Variants in GALNT18 observed in about 807,000 individuals in gnomAD.
GALNT18 encodes the protein GalNAc-transferase 18.
Under a neutral mutation model 69.5 loss-of-function variants are expected in GALNT18, and 44 were observed. The observed-to-expected ratio is 0.63, with a 90% CI of 0.50 to 0.81. The LOEUF (loss-of-function observed/expected upper bound fraction) is 0.81, where lower values mean the gene tolerates loss of function less well. Ranked by LOEUF, GALNT18 falls within the 40% of genes least tolerant of loss-of-function variation. The pLI, the probability that GALNT18 is intolerant of heterozygous loss-of-function variation, is 0.00. For missense variants in GALNT18, 715 were observed against 810.0 expected (o/e 0.88, Z 1.42); for synonymous variants, 364 against 318.2 (o/e 1.14, Z -1.53).
Position 11,564,270 on chromosome 11 carries a change from G to A in GALNT18, c.235+57089C>T, listed in dbSNP as rs1858587832. Among the ~76,000 whole-genome samples, 1 of 152,154 alleles carries A rather than the reference G, an allele frequency of 6.6e-6. No individual in the cohort carries two copies. The highest frequency in any genetic ancestry group is 2.4e-5 in the African/African-American group (1 of 41,428). On this transcript the variant is annotated intron_variant, in intron 1 of 10. Coordinates refer to ENST00000227756, the MANE Select transcript of GALNT18 (RefSeq NM_198516.3). This position sits in a 1 kb window ranked among gnomAD's most constrained non-coding sequence, Gnocchi z 4.3. ...CCTGAAGGCTCATCTTAAGAGATAT[G>A]CACCTGACTCTCTGTCAAGCCTCCC...
intron 1 of GALNT18, among the ~76,000 whole-genome samples, chr11:11,458,646 A>G (rs1461643323): frequency 6.6e-6 from 1 of 152,248 alleles, no homozygotes; most frequent in Non-Finnish European, 1.5e-5. Context: ...TCACCCGAGC[A>G]CTGCTAATGA....
intron 1 of GALNT18, among the ~76,000 whole-genome samples, chr11:11,491,569 A>G (rs2133885768): frequency 6.6e-6 from 1 of 151,898 alleles, no homozygotes; most frequent in South Asian, 2.1e-4. Flanking sequence ...CAGATCTAAA[A>G]CCTCCCTATG....
chr11:11,366,578 A>T (rs16909529), intron 6 of GALNT18, among the ~76,000 whole-genome samples: 1 of 152,084 alleles, frequency 6.6e-6, no homozygotes, highest in African/African-American at 2.4e-5. Context: ...GGATAATACT[A>T]TCTGGCTTGC....
At position 11,621,372 on chromosome 11, in the gene GALNT18, C is replaced by T. The variant is rs565696315; in HGVS notation, c.222G>A (p.Lys74=). The T allele has an allele frequency of 7.0e-5, 113 of 1,613,794 alleles. No individual in the cohort carries two copies. Among genetic ancestry groups the T allele is most frequent in the Middle Eastern group, 1.6e-4 (1 of 6,084 alleles). Residue 74 remains lysine (K), a synonymous_variant, in exon 1 of 11, where the codon AAG becomes AAA. Coordinates refer to ENST00000227756, the MANE Select transcript of GALNT18 (RefSeq NM_198516.3). This position sits in a 1 kb window ranked among gnomAD's most constrained non-coding sequence, Gnocchi z 9.3. ...GGGCGCCCGTACCTTGAATGTGCTG[C>T]TTGATGACATTCTCCAGGTGGTCCA... ...ERLDHLENVI[K]QHIQEAPAKP... is the part of the protein sequence containing the mutation.
At chr11:11,371,639 G>A (rs917163416) in intron 6 of GALNT18, among the ~76,000 whole-genome samples, 9 of 147,970 alleles carry the variant, frequency 6.1e-5, no homozygotes, top group South Asian at 2.2e-4. Flanking sequence ...GGGGGCCATC[G>A]TGGGGAGGAC....
rs1349348467 is a variant in GALNT18 at position 11,415,731 on chromosome 11, TC to T, written c.595+16889del. ...ATCTCCCACCCACACCTATGCGTCT[TC>T]CCACCCATGCATCCATGCATCCATC... On this transcript the variant is annotated intron_variant, in intron 3 of 10. Transcript: ENST00000227756. The surrounding 1 kb of genome is among the most constrained non-coding windows in gnomAD (Gnocchi z 4.1). Among the ~76,000 whole-genome samples the T allele has an allele frequency of 6.6e-6, 1 of 152,118 alleles. No individual in the cohort carries two copies. Among genetic ancestry groups the T allele is most frequent in the African/African-American group, 2.4e-5 (1 of 41,416 alleles).
chr11:11,515,349 C>T (rs11021883), intron 1 of GALNT18, among the ~76,000 whole-genome samples: 28,411 of 77,450 alleles, frequency 0.37, 3,339 homozygotes, highest in Admixed American at 0.42. Context: ...CAAAAAAGGG[C>T]GGGGGGGATG....
chr11:11,432,106 G>C lies in GALNT18; in HGVS notation c.595+515C>G, dbSNP rs1410569655. ...AACAGGGAACAGGGGATCCAGCAAA[G>C]AGGCTAGACATTCAACAAGTCTGTT... is the stretch of plus-strand genomic sequence containing the variant. On this transcript the variant is annotated intron_variant, in intron 3 of 10. Transcript: ENST00000227756. The surrounding 1 kb of genome is among the most constrained non-coding windows in gnomAD (Gnocchi z 5.8). Among the ~76,000 whole-genome samples, 1 of 152,224 alleles carries C rather than the reference G, an allele frequency of 6.6e-6. No homozygotes were observed. Among genetic ancestry groups the C allele is most frequent in the Non-Finnish European group, 1.5e-5 (1 of 68,038 alleles).
At position 11,372,306 on chromosome 11, in the gene GALNT18, C is replaced by A. The variant is rs1196664222; in HGVS notation, c.1092+209G>T. 6.6e-6 allele frequency among the ~76,000 whole-genome samples: 1 copy of A among 152,176 alleles called. No individual in the cohort carries two copies. The highest frequency in any genetic ancestry group is 6.5e-5 in the Admixed American group (1 of 15,284). The stretch of plus-strand genomic sequence containing the variant: ...TTAACCTCTCCCATGCTCCCTCCCC[C>A]AGCCAAGCTGGTTCTGAAGTCCTCT... On this transcript the variant is annotated intron_variant, in intron 6 of 10. Coordinates refer to ENST00000227756, the MANE Select transcript of GALNT18 (RefSeq NM_198516.3). The surrounding 1 kb of genome is among the most constrained non-coding windows in gnomAD (Gnocchi z 4.9).
At chr11:11,537,361 CA>C (rs2133949922) in intron 1 of GALNT18, among the ~76,000 whole-genome samples, 1 of 32,612 alleles carries the variant, frequency 3.1e-5, no homozygotes, top group East Asian at 1.2e-3. Context: ...ATACACAAGT[CA>C]GGGAAAAAAA....
intron 1 of GALNT18, among the ~76,000 whole-genome samples, chr11:11,504,847 T>G (rs1353105292): frequency 1.3e-5 from 2 of 152,178 alleles, no homozygotes; most frequent in Admixed American, 1.3e-4. Flanking sequence ...GTGCCAATTA[T>G]GTGCTGGGCA....
intron 10 of GALNT18, among the ~76,000 whole-genome samples, chr11:11,271,495 T>G (rs1848827337): frequency 6.7e-6 from 1 of 149,176 alleles, no homozygotes; most frequent in African/African-American, 2.5e-5. Context: ...ACAGCTGTCT[T>G]CACAGAGCCC....
chr11:11,560,222 A>T (rs376295452), intron 1 of GALNT18, among the ~76,000 whole-genome samples: 210 of 24,450 alleles, frequency 8.6e-3, no homozygotes, highest in East Asian at 0.01. Flanking sequence ...TGGAATATGA[A>T]GGGATGGGAT....
chr11:11,291,873 C>T (rs1281027193), intron 10 of GALNT18, among the ~76,000 whole-genome samples: 2 of 152,202 alleles, frequency 1.3e-5, no homozygotes, highest in Admixed American at 1.3e-4. Flanking sequence ...TAATTCTGCA[C>T]ACCCAGACCA....
At chr11:11,594,338 G>A (rs796605118) in intron 1 of GALNT18, among the ~76,000 whole-genome samples, 9 of 152,244 alleles carry the variant, frequency 5.9e-5, no homozygotes, top group East Asian at 1.9e-4. Flanking sequence ...CCATAACAGC[G>A]ACGCACTTAA....
At chr11:11,416,414 A>T (rs1338815833) in intron 3 of GALNT18, among the ~76,000 whole-genome samples, 1 of 152,126 alleles carries the variant, frequency 6.6e-6, no homozygotes, top group Non-Finnish European at 1.5e-5. Context: ...CCTGCCAAGG[A>T]TGCTGGGAAC....
intron 10 of GALNT18, among the ~76,000 whole-genome samples, chr11:11,290,155 G>A (rs1400997789): frequency 2.0e-5 from 3 of 152,156 alleles, no homozygotes; most frequent in African/African-American, 7.2e-5. Flanking sequence ...AACATTTCCA[G>A]CCCACACCAC....
intron 1 of GALNT18, among the ~76,000 whole-genome samples, chr11:11,589,736 G>A (rs1590122792): frequency 1.3e-5 from 2 of 152,274 alleles, no homozygotes; most frequent in African/African-American, 4.8e-5. Context: ...CACCACATAA[G>A]CCAGGAGCTT....
At chr11:11,297,991 T>G (rs1489946073) in intron 9 of GALNT18, among the ~76,000 whole-genome samples, 1 of 152,218 alleles carries the variant, frequency 6.6e-6, no homozygotes, top group Non-Finnish European at 1.5e-5. Flanking sequence ...GTAGGAGCCA[T>G]GACTGAGAGC....
Sources: gnomAD v4.1 joint callset for allele counts (sites outside exome capture counted in the v4.1 genomes callset) on GRCh38, gnomAD v4.1.1 for gene constraint, Gnocchi (gnomAD v3.1) non-coding constraint, MANE v1.5 for transcripts, NCBI Gene and HGNC (gene_info 2026-07-23, HGNC 2026-07-21) for gene names.